Variants in VMA12 observed in about 807,000 individuals in gnomAD.
The protein encoded by VMA12 is vacuolar ATPase assembly protein VMA12.
chr17:28,361,708 CAG>C, the VMA12 span: 1 of 156,094 alleles, frequency 6.4e-6, no homozygotes. Flanking sequence ...TCCAAGAAAA[CAG>C]AAAGGATCCC....
chr17:28,359,634 G>A, the VMA12 span: 7 of 257,972 alleles, frequency 2.7e-5, no homozygotes, highest in African/African-American at 4.5e-4. Context: ...AGCCGGGCAC[G>A]GCGCTCATGC....
chr17:28,359,221 C>CTTTAGCAG, the VMA12 span: 1 of 1,347,826 alleles, frequency 7.4e-7, no homozygotes, highest in Non-Finnish European at 1.1e-6. Flanking sequence ...CTCCTGATAC[C>CTTTAGCAG]TTTAGCAGTG....
At chr17:28,359,551 A>G in the VMA12 span, 2 of 641,306 alleles carry the variant, frequency 3.1e-6, no homozygotes, top group Non-Finnish European at 5.2e-6. Flanking sequence ...CAAACAACAC[A>G]GTTCCCATCT....
chr17:28,357,662 C>T, the VMA12 span: 3 of 1,611,180 alleles, frequency 1.9e-6, no homozygotes, highest in Middle Eastern at 1.8e-4. Flanking sequence ...ACCGGAGAGC[C>T]GGCTAGATAT....
chr17:28,358,212 C>G, the VMA12 span: 1 of 411,800 alleles, frequency 2.4e-6, no homozygotes, highest in African/African-American at 2.0e-5. Context: ...TAGGAATCAG[C>G]TTAGCATAGT....
chr17:28,363,340 C>G, the VMA12 span: 4 of 152,116 alleles, frequency 2.6e-5, 1 homozygote, highest in Admixed American at 2.6e-4. Context: ...GAGTCCTAAA[C>G]CCTTCAATTA....
At chr17:28,357,987 C>A in the VMA12 span, 1 of 1,231,334 alleles carries the variant, frequency 8.1e-7, no homozygotes, top group Non-Finnish European at 1.1e-6. Flanking sequence ...CTCATCTAGA[C>A]AAGTCAAGAG....
the VMA12 span, chr17:28,358,835 A>G: frequency 2.7e-6 from 3 of 1,108,672 alleles, no homozygotes; most frequent in East Asian, 7.1e-5. Context: ...TTTGGTAGAA[A>G]GAAGGGCTAC....
At chr17:28,362,900 C>A in the VMA12 span, 1 of 152,166 alleles carries the variant, frequency 6.6e-6, no homozygotes, top group Non-Finnish European at 1.5e-5. Context: ...CTGCTAGCCA[C>A]TCCTGCCTCA....
the VMA12 span, chr17:28,358,926 A>G: frequency 1.6e-5 from 26 of 1,610,414 alleles, no homozygotes; most frequent in Non-Finnish European, 2.0e-5. Flanking sequence ...ATTCCAAACT[A>G]TACCTCCATG....
the VMA12 span, chr17:28,362,018 G>A: frequency 1.3e-5 from 2 of 152,140 alleles, no homozygotes; most frequent in Admixed American, 6.5e-5. Flanking sequence ...CATTGAAAAG[G>A]GTATCAGGCT....
the VMA12 span, chr17:28,360,910 G>T: frequency 7.3e-7 from 1 of 1,364,826 alleles, no homozygotes. Flanking sequence ...AAGGGAGGAC[G>T]TATGTGAAAG....
the VMA12 span, chr17:28,357,989 A>T: frequency 8.6e-7 from 1 of 1,162,500 alleles, no homozygotes; most frequent in Non-Finnish European, 1.2e-6. Flanking sequence ...CATCTAGACA[A>T]GTCAAGAGTC....
At chr17:28,363,403 A>G in the VMA12 span, 1 of 152,182 alleles carries the variant, frequency 6.6e-6, no homozygotes, top group Non-Finnish European at 1.5e-5. Context: ...ACCAAGAGGT[A>G]TCTGTGTGGA....
At chr17:28,359,564 T>G in the VMA12 span, 2 of 590,514 alleles carry the variant, frequency 3.4e-6, no homozygotes, top group Non-Finnish European at 5.7e-6. Flanking sequence ...TCCCATCTCA[T>G]TCACTGAGAC....
chr17:28,359,673 G>C, the VMA12 span: 1 of 238,668 alleles, frequency 4.2e-6, no homozygotes, highest in South Asian at 8.5e-5. Context: ...GGGAGGCTGA[G>C]GTAGGTGGAT....
At chr17:28,358,889 T>C in the VMA12 span, 1 of 1,592,122 alleles carries the variant, frequency 6.3e-7, no homozygotes, top group Non-Finnish European at 8.6e-7. Flanking sequence ...CGTGGATCAT[T>C]GTGTTTGTGA....
the VMA12 span, chr17:28,359,518 A>G: frequency 2.2e-6 from 2 of 907,786 alleles, no homozygotes; most frequent in Non-Finnish European, 1.7e-6. Flanking sequence ...TATACTGTTC[A>G]GGGACCATAG....
chr17:28,358,241 A>G, the VMA12 span: 1 of 396,386 alleles, frequency 2.5e-6, no homozygotes, highest in African/African-American at 2.1e-5. Context: ...AGGAATCCGG[A>G]TTTCTTTCCA....
Sources: allele counts gnomAD v4.1 joint callset, GRCh38; gene constraint gnomAD v4.1.1; transcripts MANE v1.5; gene names NCBI Gene and HGNC (gene_info 2026-07-23, HGNC 2026-07-21).